Variants in FANCM observed in about 807,000 individuals in gnomAD.
FANCM encodes the protein Fanconi anemia group M protein.
FANCM carries 140 observed loss-of-function variants against 199.5 expected under a neutral mutation model. That is an observed-to-expected ratio of 0.70 (90% CI 0.61 to 0.81). The LOEUF (loss-of-function observed/expected upper bound fraction) is 0.81, where lower values mean the gene tolerates loss of function less well. Ranked by LOEUF, FANCM falls within the 30% of genes least tolerant of loss-of-function variation. The pLI, the probability that FANCM is intolerant of heterozygous loss-of-function variation, is 0.00. For missense variants in FANCM, 2,410 were observed against 2,421.4 expected (o/e 1.00, Z 0.10); for synonymous variants, 840 against 836.8 (o/e 1.00, Z -0.07).
chr14:45,184,507 C>G (rs1171161781), intron 17 of FANCM, among the ~76,000 whole-genome samples: 2 of 151,704 alleles, frequency 1.3e-5, no homozygotes, highest in Non-Finnish European at 2.9e-5. Context: ...ACTAAAAATA[C>G]AAAAATTAGC....
Position 45,142,552 on chromosome 14 carries a change from C to T in FANCM, c.759+1843C>T, listed in dbSNP as rs529488769. The stretch of plus-strand genomic sequence containing the variant: ...CGAGCTCCTGACCTCGTGATCCACC[C>T]GCCCCGGCCTCCCAAAGTGCTGGGA... On this transcript the variant is annotated intron_variant, in intron 3 of 22. Transcript: ENST00000267430. Among the ~76,000 whole-genome samples, 124 of 151,994 alleles carry T rather than the reference C, an allele frequency of 8.2e-4. 1 individual carries two copies. Among genetic ancestry groups the T allele is most frequent in the African/African-American group, 2.8e-3 (117 of 41,368 alleles).
chr14:45,147,977 C>A (rs564194456), intron 3 of FANCM, among the ~76,000 whole-genome samples: 105 of 151,516 alleles, frequency 6.9e-4, no homozygotes, highest in African/African-American at 2.5e-3. Flanking sequence ...GTGGGCGAAT[C>A]ATGAGGTCAG....
rs2139320556 is a variant in FANCM at position 45,196,484 on chromosome 14, C to T, written c.5653C>T (p.Gln1885Ter). 1.2e-6 allele frequency: 2 copies of T among 1,614,018 alleles called. No homozygotes were observed. The highest frequency in any genetic ancestry group is 1.7e-6 in the Non-Finnish European group (2 of 1,179,922). ...VNKNKFIEQIQHLQSMFERIC... is the reference protein window; with the variant it reads ...VNKNKFIEQI ...TAAGAACAAGTTCATTGAGCAGATC[C>T]AGCACCTGCAGAGTATGTTTGAAAG... The change falls in exon 21 of 23, where the codon CAG becomes TAG. Residue 1885 changes from glutamine to a stop codon, truncating the protein, a stop_gained. Coordinates refer to ENST00000267430, the MANE Select transcript of FANCM (RefSeq NM_020937.4). LOFTEE classifies it high-confidence loss of function.
chr14:45,199,558 T>G (rs557926483), intron 22 of FANCM, among the ~76,000 whole-genome samples: 1 of 152,282 alleles, frequency 6.6e-6, no homozygotes, highest in African/African-American at 2.4e-5. Context: ...ATATCCACCT[T>G]TATCAACTAA....
chr14:45,139,577 GC>G (rs1345974499), intron 2 of FANCM, among the ~76,000 whole-genome samples: 3 of 152,214 alleles, frequency 2.0e-5, no homozygotes, highest in Non-Finnish European at 4.4e-5. Flanking sequence ...ACCAGAAAGT[GC>G]AGATGGTGGT....
At position 45,137,137 on chromosome 14, in the gene FANCM, G is replaced by A. The variant is rs1885576386; in HGVS notation, c.577G>A (p.Val193Ile). The change falls in exon 2 of 23, where the codon GTC becomes ATC. Residue 193 changes from valine to isoleucine, a missense_variant. By Grantham distance (29) the Val-to-Ile change is conservative. Coordinates refer to ENST00000267430, the MANE Select transcript of FANCM (RefSeq NM_020937.4). Reference sequence around the variant, plus strand: ...GAGAGTGCTTTTTCTTACACCTCAGGTCATGGTAAATGACCTTTCTAGAGG... The same window carrying A: ...GAGAGTGCTTTTTCTTACACCTCAGATCATGGTAAATGACCTTTCTAGAGG... ...SKRVLFLTPQVMVNDLSRGAC... is the reference protein window; with the variant it reads ...SKRVLFLTPQIMVNDLSRGAC... 6.2e-7 allele frequency: 1 copy of A among 1,613,406 alleles called. No individual in the cohort carries two copies. Among genetic ancestry groups the A allele is most frequent in the African/African-American group, 1.3e-5 (1 of 74,902 alleles).
chr14:45,143,345 T>G (rs1886115541), intron 3 of FANCM, among the ~76,000 whole-genome samples: 1 of 151,952 alleles, frequency 6.6e-6, no homozygotes, highest in Admixed American at 6.6e-5. Flanking sequence ...TTTTGTATCT[T>G]TTGTAGAGAC....
chr14:45,191,753 A>G (rs1345358409), intron 20 of FANCM, among the ~76,000 whole-genome samples: 1 of 152,216 alleles, frequency 6.6e-6, no homozygotes, highest in Non-Finnish European at 1.5e-5. Context: ...TTGAAAAGAC[A>G]TAAAATAGAC....
chr14:45,181,727 T>C (rs750319615), intron 16 of FANCM, 22 bp downstream of exon 16: 1 of 1,473,268 alleles, frequency 6.8e-7, no homozygotes. Context: ...CCAGGTAATG[T>C]ATAGTAATCC....
At chr14:45,190,582 C>T (rs1242262063) in intron 20 of FANCM, among the ~76,000 whole-genome samples, 1 of 152,112 alleles carries the variant, frequency 6.6e-6, no homozygotes, top group Admixed American at 6.5e-5. Context: ...ACCTTAACCC[C>T]CTTACTAACC....
At chr14:45,137,444 ATTG>A in intron 2 of FANCM, 1 of 580,048 alleles carries the variant, frequency 1.7e-6, no homozygotes, top group African/African-American at 1.9e-5. Flanking sequence ...TTTTGCTGTT[ATTG>A]TTGTTTTCTT....
rs377500885 is a variant in FANCM at position 45,154,813 on chromosome 14, A to C, written c.1300A>C (p.Ile434Leu). Residue 434 changes from isoleucine (I) to leucine (L), a missense_variant, in exon 7 of 23, where the codon ATC becomes CTC. By Grantham distance (5) the Ile-to-Leu change is conservative. Transcript: ENST00000267430. The part of the protein sequence containing the change: ...RSTSANGISA[I>L]QQGDKNKKFV... The stretch of plus-strand genomic sequence containing the variant: ...TACTTCAGCAAATGGTATTTCTGCT[A>C]TCCAACAAGGTCTGGTTTTTCTTTT... 2 of 1,607,846 alleles carry C rather than the reference A, an allele frequency of 1.2e-6. No homozygotes were observed. Among genetic ancestry groups the C allele is most frequent in the African/African-American group, 1.3e-5 (1 of 74,852 alleles).
chr14:45,156,909 T>C, intron 8 of FANCM, among the ~76,000 whole-genome samples: 1 of 125,144 alleles, frequency 8.0e-6, no homozygotes, highest in Admixed American at 8.9e-5. Context: ...AGAGTGAGAC[T>C]CTGTCTCAAA....
At chr14:45,143,725 G>C (rs890030131) in intron 3 of FANCM, among the ~76,000 whole-genome samples, 1 of 132,064 alleles carries the variant, frequency 7.6e-6, no homozygotes, top group Non-Finnish European at 1.5e-5. Context: ...ACAGAGTCTC[G>C]CTTTGTCACC....
chr14:45,157,464 T>G (rs1887278850), intron 8 of FANCM, among the ~76,000 whole-genome samples: 1 of 152,074 alleles, frequency 6.6e-6, no homozygotes, highest in Admixed American at 6.6e-5. Flanking sequence ...AAGTAAAATG[T>G]TAGAGAAGCT....
rs143809006 is a variant in FANCM at position 45,180,300 on chromosome 14, GCA to G, written c.4223-1129_4223-1128del. 3.6e-3 allele frequency among the ~76,000 whole-genome samples: 546 copies of G among 152,306 alleles called. 5 individuals carry two copies. The highest frequency in any genetic ancestry group is 0.012 in the African/African-American group (517 of 41,576). ...AATAGTCAAGACATTGGCCAGGGCTGCAGTTATCTGAGAGCTTGAATAGCTTT... is the reference window on the plus strand; with the variant it reads ...AATAGTCAAGACATTGGCCAGGGCTGGTTATCTGAGAGCTTGAATAGCTTT... On this transcript the variant is annotated intron_variant, in intron 14 of 22. Coordinates refer to ENST00000267430, the MANE Select transcript of FANCM (RefSeq NM_020937.4).
chr14:45,140,593 A>T, intron 2 of FANCM, 39 bp from the exon 3 acceptor site: 1 of 1,073,804 alleles, frequency 9.3e-7, no homozygotes, highest in Non-Finnish European at 1.4e-6. Context: ...TTATTTTTGC[A>T]TTGAACAGAT....
At chr14:45,170,915 T>G (rs1888300749) in intron 12 of FANCM, among the ~76,000 whole-genome samples, 169 bp downstream of exon 12, 4 of 152,166 alleles carry the variant, frequency 2.6e-5, no homozygotes, top group Admixed American at 6.6e-5. Context: ...GTGTAAGAAA[T>G]CATTAAAGTC....
At chr14:45,186,528 T>G (rs1329618956) in intron 18 of FANCM, among the ~76,000 whole-genome samples, 2 of 152,232 alleles carry the variant, frequency 1.3e-5, no homozygotes, top group Admixed American at 1.3e-4. Flanking sequence ...TGATATTATT[T>G]AAAGTGACAA....
Sources: gnomAD v4.1 joint callset for allele counts (sites outside exome capture counted in the v4.1 genomes callset) on GRCh38, gnomAD v4.1.1 for gene constraint, MANE v1.5 for transcripts, NCBI Gene and HGNC (gene_info 2026-07-23, HGNC 2026-07-21) for gene names.